MED13L: variants seen among roughly 807,000 people sequenced by gnomAD.
MED13L encodes the protein mediator complex subunit 13L.
A neutral mutation model predicts 220.9 loss-of-function variants in MED13L; 7 were observed. The ratio of observed to expected loss-of-function variants is 0.03; its 90% CI spans 0.02 to 0.06. The LOEUF (loss-of-function observed/expected upper bound fraction) is 0.06. Among genes scored for constraint, MED13L ranks in the 10% least tolerant of loss-of-function variants. MED13L has a pLI of 1.00. For missense variants in MED13L, 1,965 were observed against 2,760.5 expected, an observed-to-expected ratio of 0.71 and a Z score of 6.46; for synonymous variants, 1,011 against 1,015.2, an observed-to-expected ratio of 1.00 and a Z score of 0.08.
intron 4 of MED13L, among the ~76,000 whole-genome samples, chr12:116,028,479 G>A (rs1357106942): frequency 6.6e-6 from 1 of 152,110 alleles, no homozygotes; most frequent in Non-Finnish European, 1.5e-5. Context: ...AAGTTACACA[G>A]CAAGTTCAGA....
chr12:116,203,830 C>CA (rs756406393), intron 2 of MED13L, among the ~76,000 whole-genome samples: 1 of 151,832 alleles, frequency 6.6e-6, no homozygotes, highest in African/African-American at 2.4e-5. Context: ...CAAAAAAACA[C>CA]AAAAAGAAAA....
At chr12:116,186,317 T>C (rs978188404) in intron 2 of MED13L, among the ~76,000 whole-genome samples, 7 of 152,202 alleles carry the variant, frequency 4.6e-5, no homozygotes, top group African/African-American at 1.4e-4. Flanking sequence ...AATCAACTGA[T>C]TGAACGTAAA....
At chr12:116,079,760 T>C (rs1871097867) in intron 4 of MED13L, among the ~76,000 whole-genome samples, 1 of 152,006 alleles carries the variant, frequency 6.6e-6, no homozygotes, top group South Asian at 2.1e-4. Context: ...TGGTCTCGAA[T>C]TCCTGGGCTC....
intron 4 of MED13L, among the ~76,000 whole-genome samples, chr12:116,045,111 A>C (rs1364178691): frequency 6.6e-6 from 1 of 152,178 alleles, no homozygotes; most frequent in African/African-American, 2.4e-5. Context: ...GGTAAAATGC[A>C]CCGTTATATT....
chr12:116,151,168 C>A (rs2138092141), intron 2 of MED13L, among the ~76,000 whole-genome samples: 1 of 151,960 alleles, frequency 6.6e-6, no homozygotes, highest in South Asian at 2.1e-4. Flanking sequence ...AGGCTTTTAG[C>A]AAGCAAAATC....
chr12:116,128,833 T>C (rs1875822797), intron 2 of MED13L, among the ~76,000 whole-genome samples: 1 of 152,216 alleles, frequency 6.6e-6, no homozygotes, highest in Non-Finnish European at 1.5e-5. Context: ...GCATATGTGT[T>C]CCATGTTCCA....
At chr12:116,176,876 CAAAA>C (rs11285058) in intron 2 of MED13L, among the ~76,000 whole-genome samples, 4 of 74,222 alleles carry the variant, frequency 5.4e-5, no homozygotes, top group African/African-American at 5.3e-5. Context: ...AGAACTCAGC[CAAAA>C]AAAAAAAAAA....
intron 4 of MED13L, among the ~76,000 whole-genome samples, chr12:116,084,452 AGAG>A (rs1871474038): frequency 6.6e-6 from 1 of 152,324 alleles, no homozygotes; most frequent in East Asian, 1.9e-4. Context: ...CATATTGTTA[AGAG>A]AGATCATAAT....
intron 3 of MED13L, among the ~76,000 whole-genome samples, chr12:116,109,230 T>C (rs1873876438): frequency 6.6e-6 from 1 of 151,802 alleles, no homozygotes; most frequent in African/African-American, 2.4e-5. Flanking sequence ...ACCATCATGC[T>C]CAGCTAACTT....
At chr12:116,219,014 G>A (rs1376401004) in intron 2 of MED13L, among the ~76,000 whole-genome samples, 3 of 152,206 alleles carry the variant, frequency 2.0e-5, no homozygotes, top group Admixed American at 6.5e-5. Flanking sequence ...GGGATTACAG[G>A]TGTGAGCCAC....
chr12:116,066,656 T>C (rs1452503872), intron 4 of MED13L, among the ~76,000 whole-genome samples: 1 of 152,088 alleles, frequency 6.6e-6, no homozygotes, highest in East Asian at 1.9e-4. Flanking sequence ...TTATAAACAA[T>C]GTAAGAACTT....
chr12:115,975,075 T>C (rs1447204001), intron 25 of MED13L, 96 bp downstream of exon 25: 1 of 1,277,084 alleles, frequency 7.8e-7, no homozygotes, highest in Non-Finnish European at 1.1e-6. Context: ...GTTTAATTCT[T>C]ACAAATTTAA....
intron 2 of MED13L, among the ~76,000 whole-genome samples, chr12:116,178,662 A>C (rs916171346): frequency 5.3e-5 from 8 of 152,222 alleles, no homozygotes; most frequent in Non-Finnish European, 1.0e-4. Context: ...TCTTCACCTC[A>C]CAGTAAAGAA....
chr12:115,976,246 A>G (rs532624922), intron 23 of MED13L, among the ~76,000 whole-genome samples: 1 of 152,360 alleles, frequency 6.6e-6, no homozygotes, highest in South Asian at 2.1e-4. Context: ...CAATAGCTCC[A>G]AACAGAAAGT....
rs3043762 is a variant in MED13L at position 116,210,551 on chromosome 12, C to CTATATATATATATATATA, written c.310+26899_310+26916dup. Among the ~76,000 whole-genome samples, 125 of 113,622 alleles carry CTATATATATATATATATA rather than the reference C, an allele frequency of 1.1e-3. 1 individual carries two copies. The highest frequency in any genetic ancestry group is 1.9e-3 in the South Asian group (6 of 3,138). 74.5% of individuals were successfully genotyped at this position (113,622 alleles called of 152,430 possible). ...CCCAAAAGCAACCGCAGAACGTAAC[C>CTATATATATATATATATA]TATATATATATATATATATATATAT... On this transcript the variant is annotated intron_variant, in intron 2 of 30. Transcript: ENST00000281928.
chr12:116,268,631 C>CAAA (rs758154779), intron 1 of MED13L, among the ~76,000 whole-genome samples: 1 of 120,310 alleles, frequency 8.3e-6, no homozygotes, highest in Non-Finnish European at 1.8e-5. Flanking sequence ...CTCCTCCCAG[C>CAAA]AAAAAAAAAA....
At chr12:116,203,900 A>C (rs1882157496) in intron 2 of MED13L, among the ~76,000 whole-genome samples, 1 of 152,224 alleles carries the variant, frequency 6.6e-6, no homozygotes, top group African/African-American at 2.4e-5. Flanking sequence ...TCAGTTAACT[A>C]TATGCTTAGT....
At chr12:116,020,196 C>T (rs1193590070) in intron 5 of MED13L, among the ~76,000 whole-genome samples, 1 of 152,070 alleles carries the variant, frequency 6.6e-6, no homozygotes, top group Admixed American at 6.6e-5. Flanking sequence ...AACTCCCAGG[C>T]TCAAGTGATG....
chr12:116,265,853 T>C (rs1872791794), intron 1 of MED13L, among the ~76,000 whole-genome samples: 1 of 152,172 alleles, frequency 6.6e-6, no homozygotes, highest in South Asian at 2.1e-4. Context: ...TTGTCAAGCT[T>C]CCAAAGAATG....
Sources: gnomAD v4.1 joint callset for allele counts (sites outside exome capture counted in the v4.1 genomes callset) on GRCh38, gnomAD v4.1.1 for gene constraint, MANE v1.5 for transcripts, NCBI Gene and HGNC (gene_info 2026-07-23, HGNC 2026-07-21) for gene names.